Variants in ZFP14 observed in about 807,000 individuals in gnomAD.
ZFP14 encodes ZFP14 zinc finger protein.
A neutral mutation model predicts 54.5 loss-of-function variants in ZFP14; 22 were observed. The ratio of observed to expected loss-of-function variants is 0.40; its 90% CI spans 0.29 to 0.58. ZFP14 has a LOEUF of 0.58. Ranked by LOEUF, ZFP14 falls within the 20% of genes least tolerant of loss-of-function variation. The pLI is 0.39. For missense variants in ZFP14, 470 were observed against 637.8 expected (o/e 0.74, Z 2.83); for synonymous variants, 159 against 204.0 (o/e 0.78, Z 1.88).
At position 36,375,348 on chromosome 19, in the gene ZFP14, C is replaced by T. The variant is rs562970154; in HGVS notation, c.-80+3815G>A. ...GCCATCATGAGATTGATATCTCTTC[C>T]CTTCATCGTGAGATTGCTGAATAAA... On this transcript the variant is annotated intron_variant, in intron 1 of 4. Transcript: ENST00000270001. 1.0e-3 allele frequency among the ~76,000 whole-genome samples: 159 copies of T among 152,130 alleles called. 1 individual carries two copies. Among genetic ancestry groups the T allele is most frequent in the African/African-American group, 3.7e-3 (152 of 41,514 alleles).
At position 36,353,976 on chromosome 19, in the gene ZFP14, G is replaced by A. The variant is rs536251097; in HGVS notation, c.235+6459C>T. Among the ~76,000 whole-genome samples the A allele has an allele frequency of 2.2e-5, 3 of 136,882 alleles. 1 individual carries two copies. Among genetic ancestry groups the A allele is most frequent in the African/African-American group, 2.7e-5 (1 of 37,266 alleles). The allele number at this position is 136,882 out of a possible 152,430, so 89.8% of individuals were successfully genotyped here. Reference sequence around the variant, plus strand: ...TGTAGTCCCAGCTACTTGGGAGGCTGAGGTGGGACGATCACTTGAACCCAG... The same window carrying A: ...TGTAGTCCCAGCTACTTGGGAGGCTAAGGTGGGACGATCACTTGAACCCAG... On this transcript the variant is annotated intron_variant, in intron 4 of 4. Transcript: ENST00000270001.
At position 36,367,872 on chromosome 19, in the gene ZFP14, A is replaced by G; in HGVS notation, c.9+12T>C. 1.2e-6 allele frequency: 2 copies of G among 1,611,490 alleles called. No individual in the cohort carries two copies. The highest frequency in any genetic ancestry group is 1.7e-6 in the Non-Finnish European group (2 of 1,178,904). ...ACAGTATTTCGAAAAGGACAGAGAA[A>G]CATTAACTTACATGGGCCATGGTTT... On this transcript the variant is annotated intron_variant, in intron 2 of 4. Coordinates refer to ENST00000270001, the MANE Select transcript of ZFP14 (RefSeq NM_020917.3).
At chr19:36,367,824 C>A in intron 2 of ZFP14, 60 bp downstream of exon 2, 1 of 1,571,552 alleles carries the variant, frequency 6.4e-7, no homozygotes, top group Non-Finnish European at 8.7e-7. Context: ...AAGAATGAAT[C>A]TATATACATG....
At chr19:36,363,170 A>G (rs2145557092) in intron 2 of ZFP14, among the ~76,000 whole-genome samples, 1 of 146,158 alleles carries the variant, frequency 6.8e-6, no homozygotes, top group African/African-American at 2.5e-5. Flanking sequence ...CACCATTATC[A>G]ATCATATTCT....
rs759553025 is a variant in ZFP14 at position 36,340,838 on chromosome 19, G to A, written c.988C>T (p.His330Tyr). 2 of 1,613,952 alleles carry A rather than the reference G, an allele frequency of 1.2e-6. No homozygotes were observed. The highest frequency in any genetic ancestry group is 1.7e-6 in the Non-Finnish European group (2 of 1,180,002). ...AFVCGPDLRV[H>Y]QKIHFGEKPY... ...TTCTCACCAAAATGAATTTTCTGATGTACTCTAAGGTCTGGACCACATACG... is the reference window on the plus strand; with the variant it reads ...TTCTCACCAAAATGAATTTTCTGATATACTCTAAGGTCTGGACCACATACG... The change falls in exon 5 of 5, where the codon CAT becomes TAT. Residue 330 changes from histidine (H) to tyrosine (Y), a missense_variant. His to Tyr is a moderately conservative substitution (Grantham distance 83, BLOSUM62 2). Transcript: ENST00000270001. The surrounding 1 kb of genome is among the most constrained non-coding windows in gnomAD (Gnocchi z 5.4).
chr19:36,370,090 T>TTA (rs1379375784), intron 1 of ZFP14, among the ~76,000 whole-genome samples: 1 of 152,154 alleles, frequency 6.6e-6, no homozygotes, highest in Non-Finnish European at 1.5e-5. Context: ...GTTTGAGCAA[T>TTA]TATCCATCAA....
intron 4 of ZFP14, among the ~76,000 whole-genome samples, chr19:36,351,821 TG>T (rs1315100384): frequency 7.0e-6 from 1 of 143,548 alleles, no homozygotes; most frequent in Admixed American, 7.2e-5. Flanking sequence ...ATCACACCAC[TG>T]CACTCCAGCC....
intron 2 of ZFP14, among the ~76,000 whole-genome samples, chr19:36,362,517 A>C (rs2031726339): frequency 1.3e-5 from 2 of 152,168 alleles, no homozygotes; most frequent in African/African-American, 4.8e-5. Context: ...ATCCTAATTA[A>C]ATGAAATAGT....
chr19:36,351,776 T>C (rs1360079413), intron 4 of ZFP14, among the ~76,000 whole-genome samples: 4 of 142,352 alleles, frequency 2.8e-5, no homozygotes, highest in African/African-American at 7.7e-5. Flanking sequence ...GGAGAATTGC[T>C]TGAGCCCAGG....
chr19:36,365,010 T>C (rs1161050594), intron 2 of ZFP14, among the ~76,000 whole-genome samples: 1 of 122,098 alleles, frequency 8.2e-6, no homozygotes, highest in Admixed American at 8.4e-5. Context: ...TTTTTTTTTT[T>C]TTTTTTTTTT....
chr19:36,338,081 A>C lies in ZFP14; in HGVS notation c.*2143T>G, dbSNP rs913723901. ...CAGTGGCACGATCTCAGCTCACTGC[A>C]AACTCTGCCTCTTGGGTTCAAGTGA... On this transcript the variant is annotated 3_prime_UTR_variant, in exon 5 of 5. Coordinates refer to ENST00000270001, the MANE Select transcript of ZFP14 (RefSeq NM_020917.3). 3.3e-5 allele frequency: 5 copies of C among 152,354 alleles called. No homozygotes were observed. The East Asian group carries it at 9.6e-4, about 29-fold the overall frequency. The allele number at this position is 152,354 out of a possible 1,614,324, so 9.4% of individuals were successfully genotyped here. A position where few individuals can be genotyped will look rare whatever the true frequency, so the allele number is the denominator to read the frequency against.
At chr19:36,342,175 CTTT>C (rs35293783) in intron 4 of ZFP14, among the ~76,000 whole-genome samples, 4,398 of 74,456 alleles carry the variant, frequency 0.059, 250 homozygotes, top group African/African-American at 0.23. Flanking sequence ...CATTCTATGC[CTTT>C]TTTTTTTTTT....
At chr19:36,366,740 T>C (rs1178894188) in intron 2 of ZFP14, among the ~76,000 whole-genome samples, 1 of 152,190 alleles carries the variant, frequency 6.6e-6, no homozygotes, top group African/African-American at 2.4e-5. Flanking sequence ...TTTCCTTTCT[T>C]GACCTGATAG....
chr19:36,359,097 A>G (rs184745177), intron 4 of ZFP14, among the ~76,000 whole-genome samples: 2 of 152,328 alleles, frequency 1.3e-5, no homozygotes, highest in Admixed American at 1.3e-4. Context: ...GGTAAGAAAT[A>G]AATTCCTTTT....
In ZFP14 at chr19:36,367,023, G is replaced by A. The variant is rs575713680; in HGVS notation, c.9+861C>T. 6.5e-4 allele frequency among the ~76,000 whole-genome samples: 99 copies of A among 151,788 alleles called. 1 individual carries two copies. In the Middle Eastern group the frequency reaches 0.01, roughly 16 times the overall value. ...GCAAAAATTAGCCAGGTATGGTGGCGGGCACCTGTAATCCCAGCTACTTGG... is the reference window on the plus strand; with the variant it reads ...GCAAAAATTAGCCAGGTATGGTGGCAGGCACCTGTAATCCCAGCTACTTGG... On this transcript the variant is annotated intron_variant, in intron 2 of 4. Transcript: ENST00000270001.
At position 36,340,721 on chromosome 19, in the gene ZFP14, C is replaced by T. The variant is rs780365506; in HGVS notation, c.1105G>A (p.Glu369Lys). 26 of 1,613,708 alleles carry T rather than the reference C, an allele frequency of 1.6e-5. No individual in the cohort carries two copies. The African/African-American group carries it at 2.5e-4, about 16-fold the overall frequency. The change falls in exon 5 of 5, where the codon GAA (glutamate) becomes AAA (lysine). Residue 369 changes from glutamate to lysine, a missense_variant. Glu to Lys is a moderately conservative substitution (Grantham distance 56). Coordinates refer to ENST00000270001, the MANE Select transcript of ZFP14 (RefSeq NM_020917.3). This position sits in a 1 kb window ranked among gnomAD's most constrained non-coding sequence, Gnocchi z 5.4. The part of the protein sequence containing the change: ...QSIHTGEKPY[E>K]CKECGKTFRL... Reference sequence around the variant, plus strand: ...AAAGTCTTCCCACATTCCTTACATTCGTAGGGTTTCTCACCAGTATGAATA... The same window carrying T: ...AAAGTCTTCCCACATTCCTTACATTTGTAGGGTTTCTCACCAGTATGAATA...
Position 36,354,690 on chromosome 19 carries a change from T to C in ZFP14, c.235+5745A>G, listed in dbSNP as rs2065579896. 1.4e-5 allele frequency among the ~76,000 whole-genome samples: 2 copies of C among 142,362 alleles called. 1 individual carries two copies. Among genetic ancestry groups the C allele is most frequent in the Non-Finnish European group, 3.1e-5 (2 of 64,326 alleles). 93.4% of individuals were successfully genotyped at this position (142,362 alleles called of 152,430 possible). A position where few individuals can be genotyped will look rare whatever the true frequency, so the allele number is the denominator to read the frequency against. On this transcript the variant is annotated intron_variant, in intron 4 of 4. Coordinates refer to ENST00000270001, the MANE Select transcript of ZFP14 (RefSeq NM_020917.3). Reference sequence around the variant, plus strand: ...ACCCTATTTAAAACATCCCTATCTCTACTTGCCAACTTCCATTCTCACCCA... The same window carrying C: ...ACCCTATTTAAAACATCCCTATCTCCACTTGCCAACTTCCATTCTCACCCA...
intron 4 of ZFP14, among the ~76,000 whole-genome samples, chr19:36,343,098 A>G (rs2031352293): frequency 6.6e-6 from 1 of 152,182 alleles, no homozygotes; most frequent in South Asian, 2.1e-4. Context: ...GTGGATAAGA[A>G]TCACCTAGAG....
chr19:36,374,119 G>A (rs770480076), intron 1 of ZFP14, among the ~76,000 whole-genome samples: 2 of 152,124 alleles, frequency 1.3e-5, no homozygotes, highest in Non-Finnish European at 2.9e-5. Context: ...GCTATGTGAA[G>A]CAGCATTTCA....
Sources: allele counts gnomAD v4.1 joint callset (sites outside exome capture counted in the v4.1 genomes callset), GRCh38; gene constraint gnomAD v4.1.1; non-coding constraint Gnocchi (gnomAD v3.1); transcripts MANE v1.5; gene names NCBI Gene and HGNC (gene_info 2026-07-23, HGNC 2026-07-21).